Variants in KHDRBS2 observed in about 807,000 individuals in gnomAD.
KHDRBS2 encodes KH domain-containing, RNA-binding, signal transduction-associated protein 2.
A neutral mutation model predicts 44.3 loss-of-function variants in KHDRBS2; 26 were observed. The observed-to-expected ratio is 0.59, with a 90% confidence interval of 0.43 to 0.81. The LOEUF is 0.81. Among genes scored for constraint, KHDRBS2 ranks in the 40% least tolerant of loss-of-function variants. The probability of loss-of-function intolerance (pLI) is 0.00; values close to 1 mark genes in which losing one functional copy is unlikely to be tolerated. For missense variants in KHDRBS2, 476 were observed against 433.1 expected (o/e 1.10, Z -0.88); for synonymous variants, 194 against 151.1 (o/e 1.28, Z -2.08).
intron 4 of KHDRBS2, among the ~76,000 whole-genome samples, chr6:61,963,270 C>A (rs918176137): frequency 6.6e-6 from 1 of 151,956 alleles, no homozygotes; most frequent in African/African-American, 2.4e-5. Context: ...AAAACATGAG[C>A]AATTACATTT....
intron 6 of KHDRBS2, among the ~76,000 whole-genome samples, chr6:61,860,630 T>C (rs1796797958): frequency 6.6e-6 from 1 of 152,118 alleles, no homozygotes; most frequent in Non-Finnish European, 1.5e-5. Context: ...TGATGGGTAT[T>C]TAGGTTGATT....
chr6:61,788,038 A>C (rs1008723294), intron 6 of KHDRBS2, among the ~76,000 whole-genome samples: 3 of 151,610 alleles, frequency 2.0e-5, no homozygotes, highest in African/African-American at 7.2e-5. Context: ...GAATTCATAC[A>C]TTTGTTGGGA....
chr6:61,643,228 T>C, the KHDRBS2 span, among the ~76,000 whole-genome samples: 1 of 152,258 alleles, frequency 6.6e-6, no homozygotes, highest in South Asian at 2.1e-4. Context: ...CTTCTGGGAA[T>C]GAGAAAGGAA....
intron 2 of KHDRBS2, among the ~76,000 whole-genome samples, chr6:62,136,607 T>C (rs1272097997): frequency 6.6e-6 from 1 of 152,238 alleles, no homozygotes; most frequent in African/African-American, 2.4e-5. Flanking sequence ...TATAATGTTA[T>C]GGTTTGTATT....
At chr6:61,584,815 A>G in the KHDRBS2 span, among the ~76,000 whole-genome samples, 433 of 152,036 alleles carry the variant, frequency 2.8e-3, no homozygotes, top group African/African-American at 0.01. Context: ...AGAAATCACA[A>G]TATAACAACT....
intron 1 of KHDRBS2, among the ~76,000 whole-genome samples, chr6:62,178,574 C>G (rs1164869069): frequency 1.3e-5 from 2 of 151,418 alleles, no homozygotes; most frequent in East Asian, 3.9e-4. Flanking sequence ...TTACATTTGT[C>G]TAGTTGAGAA....
At chr6:62,182,448 T>G (rs1332275121) in intron 1 of KHDRBS2, among the ~76,000 whole-genome samples, 1 of 151,956 alleles carries the variant, frequency 6.6e-6, no homozygotes, top group Non-Finnish European at 1.5e-5. Flanking sequence ...GCTAAGAGGG[T>G]AGATCTTGTA....
At chr6:61,965,314 C>T (rs1273194336) in intron 4 of KHDRBS2, among the ~76,000 whole-genome samples, 2 of 152,154 alleles carry the variant, frequency 1.3e-5, no homozygotes, top group East Asian at 3.9e-4. Flanking sequence ...AGGACCCAGT[C>T]TAGACTGCTG....
chr6:62,070,461 G>A (rs1794757144), intron 2 of KHDRBS2, among the ~76,000 whole-genome samples: 1 of 151,792 alleles, frequency 6.6e-6, no homozygotes, highest in African/African-American at 2.4e-5. Context: ...TTAACATTAG[G>A]TATATCTCCT....
the KHDRBS2 span, among the ~76,000 whole-genome samples, chr6:61,581,744 G>A: frequency 6.6e-6 from 1 of 150,928 alleles, no homozygotes; most frequent in Non-Finnish European, 1.5e-5. Context: ...GACAGCCCAA[G>A]GAAACAGAAA....
intron 2 of KHDRBS2, among the ~76,000 whole-genome samples, chr6:62,124,143 C>T (rs1808389870): frequency 6.6e-6 from 1 of 152,132 alleles, no homozygotes; most frequent in Admixed American, 6.5e-5. Context: ...ATCAGTACCC[C>T]CAGGGATCTG....
chr6:62,015,409 G>T (rs1781035538), intron 3 of KHDRBS2, among the ~76,000 whole-genome samples: 1 of 152,088 alleles, frequency 6.6e-6, no homozygotes, highest in Non-Finnish European at 1.5e-5. Context: ...TGGTGGAGAT[G>T]CAGGTGCATG....
chr6:61,713,010 C>T (rs1324133029), intron 7 of KHDRBS2, among the ~76,000 whole-genome samples: 1 of 151,404 alleles, frequency 6.6e-6, no homozygotes, highest in African/African-American at 2.4e-5. Flanking sequence ...TGATAAAAAG[C>T]TATTTATAAT....
intron 1 of KHDRBS2, among the ~76,000 whole-genome samples, chr6:62,240,449 C>A (rs948506764): frequency 6.6e-6 from 1 of 151,482 alleles, no homozygotes; most frequent in Non-Finnish European, 1.5e-5. Context: ...ATGTTTGTTG[C>A]TCTTGAGGTG....
intron 2 of KHDRBS2, among the ~76,000 whole-genome samples, chr6:62,063,551 C>T (rs1490320616): frequency 1.3e-5 from 2 of 151,568 alleles, no homozygotes; most frequent in African/African-American, 4.8e-5. Context: ...TCAATAGATG[C>T]AGAAAAAGCC....
chr6:61,841,592 A>T (rs1793615892), intron 6 of KHDRBS2, among the ~76,000 whole-genome samples: 1 of 152,146 alleles, frequency 6.6e-6, no homozygotes, highest in African/African-American at 2.4e-5. Flanking sequence ...GGTACTGTGC[A>T]TTAGACTCAT....
intron 6 of KHDRBS2, among the ~76,000 whole-genome samples, chr6:61,786,006 C>A (rs1783748225): frequency 6.6e-6 from 1 of 151,990 alleles, no homozygotes; most frequent in Non-Finnish European, 1.5e-5. Context: ...TATAGACACA[C>A]AGGCACAGAG....
intron 1 of KHDRBS2, among the ~76,000 whole-genome samples, chr6:62,189,327 CT>C (rs530825091): frequency 1.3e-5 from 2 of 151,386 alleles, no homozygotes; most frequent in African/African-American, 2.4e-5. Context: ...ACCACCACTT[CT>C]TTTTTTTAAA....
rs143300365 is a variant in KHDRBS2 at position 61,906,630 on chromosome 6, C to T, written c.484-5259G>A. Among the ~76,000 whole-genome samples the T allele has an allele frequency of 7.1e-4, 108 of 152,256 alleles. 1 individual carries two copies. Among genetic ancestry groups the T allele is most frequent in the African/African-American group, 2.5e-3 (103 of 41,544 alleles). ...CAATTTTTTTAATTTTTAGCTCTCA[C>T]ATATGAGTGAGGACATGTAAAATTT... On this transcript the variant is annotated intron_variant, in intron 4 of 8. Transcript: ENST00000281156.
Sources: allele counts gnomAD v4.1 joint callset (sites outside exome capture counted in the v4.1 genomes callset), GRCh38; gene constraint gnomAD v4.1.1; transcripts MANE v1.5; gene names NCBI Gene and HGNC (gene_info 2026-07-23, HGNC 2026-07-21).